The following PAX5 variants were observed in gnomAD, a reference collection of about 807,000 sequenced individuals.
The protein encoded by PAX5 is paired box 5.
In PAX5, 9 loss-of-function variants were observed where a neutral mutation model predicts 43.7. That is an observed-to-expected ratio of 0.21 (90% CI 0.12 to 0.36). PAX5 has a LOEUF of 0.36. Among genes scored for constraint, PAX5 ranks in the 10% least tolerant of loss-of-function variants. PAX5 has a pLI of 1.00. For missense variants in PAX5, 383 were observed against 532.7 expected (o/e 0.72, Z 2.77); for synonymous variants, 228 against 214.3 (o/e 1.06, Z -0.56).
intron 6 of PAX5, among the ~76,000 whole-genome samples, chr9:36,953,711 C>T (rs544454317): frequency 1.0e-3 from 154 of 152,216 alleles, no homozygotes; most frequent in African/African-American, 3.5e-3. Flanking sequence ...TTACATTACT[C>T]ATCCATTCAT....
chr9:36,941,544 G>A (rs1050777636), intron 6 of PAX5, among the ~76,000 whole-genome samples: 26 of 152,130 alleles, frequency 1.7e-4, no homozygotes, highest in African/African-American at 5.8e-4. Context: ...TTTGAAATGA[G>A]GGATAGGAAA....
chr9:36,885,127 C>A lies in PAX5; in HGVS notation c.911-3022G>T, dbSNP rs138296128. On this transcript the variant is annotated intron_variant, in intron 7 of 9. Coordinates refer to ENST00000358127, the MANE Select transcript of PAX5 (RefSeq NM_016734.3). ...GCAAGGAAGGGAGAGAAGCTGACAG[C>A]TTTCTGTGTCCTCTCAACCTCCTGA... 9.9e-3 allele frequency among the ~76,000 whole-genome samples: 1,505 copies of A among 152,316 alleles called. 15 individuals carry two copies. The highest frequency in any genetic ancestry group is 0.014 in the Non-Finnish European group (986 of 68,030).
chr9:36,849,694 C>T (rs1281001467), intron 8 of PAX5, among the ~76,000 whole-genome samples: 1 of 152,236 alleles, frequency 6.6e-6, no homozygotes, highest in Non-Finnish European at 1.5e-5. Context: ...TTGCCCACCA[C>T]ACCATCCTGC....
At position 36,923,454 on chromosome 9, in the gene PAX5, C is replaced by G. The variant is rs2131969425; in HGVS notation, c.811G>C (p.Ala271Pro). 1.2e-6 allele frequency: 2 copies of G among 1,612,044 alleles called. No individual in the cohort carries two copies. The highest frequency in any genetic ancestry group is 8.5e-7 in the Non-Finnish European group (1 of 1,179,974). Residue 271 changes from alanine to proline, a missense_variant, in exon 7 of 10, where the codon GCT becomes CCT. Ala to Pro is a conservative substitution (Grantham distance 27). Coordinates refer to ENST00000358127, the MANE Select transcript of PAX5 (RefSeq NM_016734.3). Reference protein sequence around the residue: ...TTEYSAMASLAGGLDDMKANL... With the variant: ...TTEYSAMASLPGGLDDMKANL... ...GCCTTCATGTCGTCCAGCCCACCAG[C>G]CAGCGAGGCCATGGCTGAATACTCT...
At chr9:36,845,451 A>T (rs1213964206) in intron 9 of PAX5, among the ~76,000 whole-genome samples, 2 of 152,216 alleles carry the variant, frequency 1.3e-5, no homozygotes, top group Non-Finnish European at 2.9e-5. Flanking sequence ...ACTAATTTTG[A>T]CCAAAACCAA....
intron 8 of PAX5, among the ~76,000 whole-genome samples, chr9:36,867,362 A>G (rs77832379): frequency 0.018 from 2,770 of 152,322 alleles, 32 homozygotes; most frequent in Middle Eastern, 0.068. Flanking sequence ...GCTGTAACAC[A>G]GTGTTTCTAA....
intron 5 of PAX5, among the ~76,000 whole-genome samples, chr9:36,995,493 A>T (rs1412075202): frequency 1.3e-5 from 2 of 152,162 alleles, no homozygotes; most frequent in African/African-American, 4.8e-5. Context: ...GCAGCACCCC[A>T]TGGGGAGATA....
intron 6 of PAX5, among the ~76,000 whole-genome samples, chr9:36,938,056 T>C (rs1041124118): frequency 1.3e-5 from 2 of 152,192 alleles, no homozygotes; most frequent in Non-Finnish European, 2.9e-5. Context: ...AGGATTTAGC[T>C]ATGATGTGTA....
chr9:36,881,414 C>T (rs1437686311), intron 8 of PAX5, among the ~76,000 whole-genome samples: 1 of 152,102 alleles, frequency 6.6e-6, no homozygotes, highest in Non-Finnish European at 1.5e-5. Context: ...CCCACACCAC[C>T]CCACAATGTA....
intron 3 of PAX5, 141 bp downstream of exon 3, chr9:37,014,856 T>A: frequency 2.6e-6 from 2 of 770,484 alleles, no homozygotes; most frequent in Non-Finnish European, 4.4e-6. Context: ...GCAGGCCCCA[T>A]TAGCATCCCT....
intron 8 of PAX5, among the ~76,000 whole-genome samples, chr9:36,859,810 G>A (rs1436267408): frequency 6.6e-6 from 1 of 152,132 alleles, no homozygotes; most frequent in Non-Finnish European, 1.5e-5. Context: ...CGAGGTAGGT[G>A]GATCACGAGG....
intron 6 of PAX5, among the ~76,000 whole-genome samples, chr9:36,960,518 G>A (rs1833873640): frequency 6.6e-6 from 1 of 152,142 alleles, no homozygotes; most frequent in South Asian, 2.1e-4. Flanking sequence ...TTCAATGGTG[G>A]GAAACCATGA....
In PAX5 at chr9:37,002,689, G is replaced by T; in HGVS notation, c.563C>A (p.Thr188Lys). Residue 188 changes from threonine (T) to lysine (K), a missense_variant, in exon 5 of 10, where the codon ACG becomes AAG. This residue lies in a region of PAX5 where 291 missense variants were observed against 342.5 expected (regional missense o/e 0.85). Transcript: ENST00000358127. ...SYSISGILGI[T>K]SPSADTNKRK... ...CTTGTTGGTGTCGGCGCTGGGGGACGTGATGCCCAGGATGCCGCTGATGGA... is the reference window on the plus strand; with the variant it reads ...CTTGTTGGTGTCGGCGCTGGGGGACTTGATGCCCAGGATGCCGCTGATGGA... 1 of 1,611,446 alleles carries T rather than the reference G, an allele frequency of 6.2e-7. No homozygotes were observed. Among genetic ancestry groups the T allele is most frequent in the Non-Finnish European group, 8.5e-7 (1 of 1,179,134 alleles).
rs1489654251 is a variant in PAX5, at chr9:36,835,001, G to A, written c.*5559C>T. On this transcript the variant is annotated 3_prime_UTR_variant, in exon 10 of 10. Coordinates refer to ENST00000358127, the MANE Select transcript of PAX5 (RefSeq NM_016734.3). ...CCGATCAGCCACCGGAAGCTGATGG[G>A]TGGGTGGGTTTGTGCCTCTGTCTCT... 1 of 233,356 alleles carries A rather than the reference G, an allele frequency of 4.3e-6. No homozygotes were observed. Among genetic ancestry groups the A allele is most frequent in the East Asian group, 6.0e-5 (1 of 16,602 alleles). 14.5% of individuals were successfully genotyped at this position (233,356 alleles called of 1,614,324 possible).
intron 5 of PAX5, among the ~76,000 whole-genome samples, chr9:36,974,950 TG>T (rs1434759437): frequency 6.6e-6 from 1 of 152,118 alleles, no homozygotes; most frequent in Non-Finnish European, 1.5e-5. Context: ...CCAGTGCCCC[TG>T]GACATTCTGC....
At chr9:37,016,559 G>A (rs1191829653) in intron 2 of PAX5, among the ~76,000 whole-genome samples, 2 of 152,088 alleles carry the variant, frequency 1.3e-5, no homozygotes, top group Admixed American at 6.6e-5. Context: ...CATCATTTCA[G>A]GGGGGGATAA....
At chr9:36,858,845 T>C (rs1823910839) in intron 8 of PAX5, among the ~76,000 whole-genome samples, 3 of 152,122 alleles carry the variant, frequency 2.0e-5, no homozygotes, top group Admixed American at 2.0e-4. Flanking sequence ...TCACCTCCCC[T>C]GGCTCTGCTG....
intron 8 of PAX5, among the ~76,000 whole-genome samples, chr9:36,875,962 G>A (rs549024595): frequency 6.6e-6 from 1 of 152,318 alleles, no homozygotes; most frequent in Non-Finnish European, 1.5e-5. Flanking sequence ...ACTCATTTGT[G>A]GTAATTTGTC....
chr9:36,922,253 C>A (rs965056472), intron 7 of PAX5, among the ~76,000 whole-genome samples: 4 of 152,174 alleles, frequency 2.6e-5, no homozygotes, highest in African/African-American at 7.2e-5. Context: ...CCCTGATGCA[C>A]CCACAGTCCA....
Sources: gnomAD v4.1 joint callset for allele counts (sites outside exome capture counted in the v4.1 genomes callset) on GRCh38, gnomAD v4.1.1 for gene constraint, gnomAD v4.1.1 regional missense constraint, MANE v1.5 for transcripts, NCBI Gene and HGNC (gene_info 2026-07-23, HGNC 2026-07-21) for gene names.